Variants in TAMM41 observed in about 807,000 individuals in gnomAD.
TAMM41 encodes TAM41 mitochondrial translocator assembly and maintenance homolog.
A neutral mutation model predicts 44.1 loss-of-function variants in TAMM41; 36 were observed. The observed-to-expected ratio is 0.82, with a 90% CI of 0.63 to 1.08. The LOEUF is 1.08. TAMM41 is among the 50% of genes least tolerant of loss of function. TAMM41 has a pLI of 0.00. For missense variants in TAMM41, 417 were observed against 404.3 expected (o/e 1.03, Z -0.27); for synonymous variants, 164 against 153.1 (o/e 1.07, Z -0.53).
chr3:11,846,524 G>T lies in TAMM41; in HGVS notation c.113C>A (p.Ala38Glu). ...CACCTTCTGGTCTGAACTCGGCCCTGCCTGGCGGTACACCCCGGAGCCGTA... is the reference window on the plus strand; with the variant it reads ...CACCTTCTGGTCTGAACTCGGCCCTTCCTGGCGGTACACCCCGGAGCCGTA... ...FVYGSGVYRQ[A>E]GPSSDQKNAM... The change falls in exon 1 of 8, where the codon GCA becomes GAA. Residue 38 changes from alanine (A) to glutamate (E), a missense_variant. By Grantham distance (107) the Ala-to-Glu change is moderately radical. Transcript: ENST00000455809. The T allele has an allele frequency of 6.2e-7, 1 of 1,614,234 alleles. No individual in the cohort carries two copies. Among genetic ancestry groups the T allele is most frequent in the African/African-American group, 1.3e-5 (1 of 75,076 alleles).
the TAMM41 span, among the ~76,000 whole-genome samples, chr3:11,731,444 G>A: frequency 2.2e-4 from 34 of 152,150 alleles, no homozygotes; most frequent in Admixed American, 1.6e-3. Context: ...GCAGTGAGCC[G>A]TGATGGTGCC....
intron 3 of TAMM41, chr3:11,833,212 C>A (rs2125042095): frequency 8.0e-7 from 1 of 1,246,056 alleles, no homozygotes; most frequent in Non-Finnish European, 1.0e-6. Flanking sequence ...CTGGGAATGC[C>A]CCGACCTGAA....
At chr3:11,725,235 CCTT>C in the TAMM41 span, among the ~76,000 whole-genome samples, 1 of 130,530 alleles carries the variant, frequency 7.7e-6, no homozygotes, top group Non-Finnish European at 1.7e-5. Flanking sequence ...TCCTCCTTCT[CCTT>C]CTCCTCCCCC....
chr3:11,826,697 A>G (rs936775402), intron 4 of TAMM41: 5 of 28,554 alleles, frequency 1.8e-4, no homozygotes, highest in African/African-American at 6.0e-4. Flanking sequence ...AAATAAAACA[A>G]AAAAGAAAGG....
chr3:11,829,328 T>A lies in TAMM41; in HGVS notation c.562+386A>T, dbSNP rs143633666. ...TTTTAACCTGAGACTTCCTAGTTGT[T>A]CAGACACAGGCTAAAGTTTGAAAAC... is the stretch of plus-strand genomic sequence containing the variant. On this transcript the variant is annotated intron_variant, in intron 4 of 7. Transcript: ENST00000455809. Among the ~76,000 whole-genome samples, 8 of 152,200 alleles carry A rather than the reference T, an allele frequency of 5.3e-5. No individual in the cohort carries two copies. The East Asian group carries it at 1.5e-3, about 29-fold the overall frequency.
intron 7 of TAMM41, among the ~76,000 whole-genome samples, chr3:11,798,471 G>A (rs1407731823): frequency 6.6e-6 from 1 of 152,074 alleles, no homozygotes; most frequent in Admixed American, 6.6e-5. Context: ...ACACATAGAA[G>A]GGAACAACAG....
chr3:11,807,157 G>A (rs2077934448), intron 7 of TAMM41: 1 of 1,310,578 alleles, frequency 7.6e-7, no homozygotes, highest in African/African-American at 1.5e-5. Flanking sequence ...ACCCCCTAGA[G>A]GGGACAGCGA....
At chr3:11,803,281 G>A (rs113193469) in intron 7 of TAMM41, among the ~76,000 whole-genome samples, 19,693 of 152,092 alleles carry the variant, frequency 0.13, 2,800 homozygotes, top group East Asian at 0.48. Flanking sequence ...CTACTCAGGA[G>A]GCTGAAGGGG....
At chr3:11,728,138 A>C in the TAMM41 span, among the ~76,000 whole-genome samples, 1 of 152,214 alleles carries the variant, frequency 6.6e-6, no homozygotes, top group Admixed American at 6.5e-5. Context: ...TTCAAAAAAA[A>C]AGAAAGTGAA....
At chr3:11,778,784 G>A in the TAMM41 span, among the ~76,000 whole-genome samples, 7 of 152,136 alleles carry the variant, frequency 4.6e-5, no homozygotes, top group East Asian at 9.7e-4. Flanking sequence ...TTGGCCATTC[G>A]TGTATCTTTT....
chr3:11,728,998 G>A, the TAMM41 span, among the ~76,000 whole-genome samples: 1 of 118,620 alleles, frequency 8.4e-6, no homozygotes, highest in Non-Finnish European at 1.8e-5. Context: ...ACAAGAGCAA[G>A]ACTCTGTCTC....
chr3:11,722,123 C>A, the TAMM41 span, among the ~76,000 whole-genome samples: 109 of 152,254 alleles, frequency 7.2e-4, 1 homozygote, highest in African/African-American at 2.4e-3. Flanking sequence ...TGGGTCAGTG[C>A]GGAGGTCCTA....
At chr3:11,814,926 T>C (rs751871284) in intron 5 of TAMM41, among the ~76,000 whole-genome samples, 2 of 152,014 alleles carry the variant, frequency 1.3e-5, no homozygotes, top group Non-Finnish European at 2.9e-5. Context: ...ATTACGCCTC[T>C]GCACTCTAGC....
rs1553569561 is a variant in TAMM41 at position 11,804,999 on chromosome 3, T to TTG, written c.937+2833_937+2834insCA. ...GCGCGCACCACCACGCCCAGCCCTTTTTTTTTTTTTTTTTTTTTTTTTTTT... is the reference window on the plus strand; with the variant it reads ...GCGCGCACCACCACGCCCAGCCCTTTTGTTTTTTTTTTTTTTTTTTTTTTTTT... On this transcript the variant is annotated intron_variant, in intron 7 of 7. Coordinates refer to ENST00000455809, the MANE Select transcript of TAMM41 (RefSeq NM_001284401.2). Among the ~76,000 whole-genome samples the TTG allele has an allele frequency of 3.2e-3, 359 of 112,300 alleles. 4 individuals are homozygous for TTG. Among genetic ancestry groups the TTG allele is most frequent in the African/African-American group, 0.015 (324 of 21,248 alleles). The allele number at this position is 112,300 out of a possible 152,430, so 73.7% of individuals were successfully genotyped here.
At chr3:11,725,289 CCTT>C in the TAMM41 span, among the ~76,000 whole-genome samples, 120 of 105,862 alleles carry the variant, frequency 1.1e-3, no homozygotes, top group East Asian at 8.3e-3. Context: ...TCCTCCTTCT[CCTT>C]CTTCTCCTCC....
the TAMM41 span, among the ~76,000 whole-genome samples, chr3:11,777,252 ATTTT>A: frequency 6.6e-6 from 1 of 152,052 alleles, no homozygotes; most frequent in Non-Finnish European, 1.5e-5. Context: ...AATACATATA[ATTTT>A]TTTTGTCAAC....
At chr3:11,783,494 C>T in the TAMM41 span, among the ~76,000 whole-genome samples, 1 of 152,200 alleles carries the variant, frequency 6.6e-6, no homozygotes, top group Non-Finnish European at 1.5e-5. Context: ...GAGACAAGCT[C>T]TCTTTTAGGA....
chr3:11,733,666 T>C, the TAMM41 span, among the ~76,000 whole-genome samples: 2 of 151,970 alleles, frequency 1.3e-5, no homozygotes, highest in Admixed American at 6.6e-5. Context: ...CTCATTTTTT[T>C]TCGTATTTTT....
the TAMM41 span, among the ~76,000 whole-genome samples, chr3:11,730,483 CCAA>C: frequency 6.6e-6 from 1 of 150,884 alleles, no homozygotes; most frequent in African/African-American, 2.4e-5. Flanking sequence ...GCCTGTAATC[CCAA>C]CATTTTGGGA....
Sources: allele counts gnomAD v4.1 joint callset (sites outside exome capture counted in the v4.1 genomes callset), GRCh38; gene constraint gnomAD v4.1.1; transcripts MANE v1.5; gene names NCBI Gene and HGNC (gene_info 2026-07-23, HGNC 2026-07-21).